GABBR2: variants seen among roughly 807,000 people sequenced by gnomAD.
The protein encoded by GABBR2 is G-protein coupled receptor 51.
Under a neutral mutation model 105.6 loss-of-function variants are expected in GABBR2, and 23 were observed. The ratio of observed to expected loss-of-function variants is 0.22; its 90% CI spans 0.16 to 0.31. The LOEUF (loss-of-function observed/expected upper bound fraction) is 0.31. GABBR2 is among the 10% of genes least tolerant of loss of function. The pLI is 1.00. For synonymous variants in GABBR2, 478 were observed against 499.7 expected (o/e 0.96, Z 0.58); for missense variants, 734 against 1,245.5 (o/e 0.59, Z 6.18).
chr9:98,508,465 C>T (rs1331280950), intron 3 of GABBR2, among the ~76,000 whole-genome samples: 1 of 152,246 alleles, frequency 6.6e-6, no homozygotes, highest in Non-Finnish European at 1.5e-5. Flanking sequence ...CAGGGCAAGG[C>T]ATCGCCTCAC....
At chr9:98,476,155 A>G (rs1443907300) in intron 5 of GABBR2, among the ~76,000 whole-genome samples, 1 of 152,238 alleles carries the variant, frequency 6.6e-6, no homozygotes, top group African/African-American at 2.4e-5. Context: ...CACACATGTG[A>G]TAATTAAGAC....
At chr9:98,542,394 C>G (rs1190524989) in intron 2 of GABBR2, among the ~76,000 whole-genome samples, 1 of 152,062 alleles carries the variant, frequency 6.6e-6, no homozygotes, top group East Asian at 1.9e-4. Flanking sequence ...ACTGTTTTTC[C>G]CCATTTAACG....
In GABBR2 at chr9:98,423,330, T is replaced by A. The variant is rs1191562603; in HGVS notation, c.1237-17189A>T. The stretch of plus-strand genomic sequence containing the variant: ...ACTGGTGTGAGATGGTATCTCATTG[T>A]GGTTTTGATTTGCATTTCTCTGATG... On this transcript the variant is annotated intron_variant, in intron 7 of 18. Coordinates refer to ENST00000259455, the MANE Select transcript of GABBR2 (RefSeq NM_005458.8). Among the ~76,000 whole-genome samples, 9 of 152,260 alleles carry A rather than the reference T, an allele frequency of 5.9e-5. No homozygotes were observed. In the East Asian group the frequency reaches 1.2e-3, roughly 20 times the overall value.
intron 3 of GABBR2, among the ~76,000 whole-genome samples, chr9:98,505,958 C>T (rs1827502720): frequency 6.6e-6 from 1 of 152,176 alleles, no homozygotes; most frequent in Non-Finnish European, 1.5e-5. Context: ...GGGGCAGGTT[C>T]CCATGGAGAA....
chr9:98,298,573 C>T (rs1830418561), intron 17 of GABBR2, among the ~76,000 whole-genome samples: 2 of 152,118 alleles, frequency 1.3e-5, no homozygotes, highest in South Asian at 4.1e-4. Context: ...ACTCTGGTAA[C>T]CTTTAAAATT....
Position 98,454,227 on chromosome 9 carries a change from CAG to C in GABBR2, c.1000-12_1000-11del, listed in dbSNP as rs754422703. 2.1e-5 allele frequency: 33 copies of C among 1,588,266 alleles called. No homozygotes were observed. Among genetic ancestry groups the C allele is most frequent in the South Asian group, 1.2e-4 (11 of 90,556 alleles). On this transcript the variant is annotated splice_polypyrimidine_tract_variant and intron_variant, in intron 6 of 18. Coordinates refer to ENST00000259455, the MANE Select transcript of GABBR2 (RefSeq NM_005458.8). The surrounding 1 kb of genome is among the most constrained non-coding windows in gnomAD (Gnocchi z 4.6). ...CATACTGCTGTGGAGTCTGGAAAAA[CAG>C]GGGATTGGGGGAATCCCAAGTTATA...
chr9:98,374,789 G>A (rs901301178), intron 11 of GABBR2, among the ~76,000 whole-genome samples: 4 of 152,110 alleles, frequency 2.6e-5, no homozygotes, highest in East Asian at 3.8e-4. Flanking sequence ...GCCTCCCCAC[G>A]TGCCTTTTCC....
At position 98,577,530 on chromosome 9, in the gene GABBR2, C is replaced by T. The variant is rs13286375; in HGVS notation, c.459+405G>A. On this transcript the variant is annotated intron_variant, in intron 2 of 18. Coordinates refer to ENST00000259455, the MANE Select transcript of GABBR2 (RefSeq NM_005458.8). ...ATGAGGAGTCATCTGGTTAAGGGAA[C>T]GGTGAGAGCAGGGCTCTGAGGCCCA... 3.3e-5 allele frequency among the ~76,000 whole-genome samples: 5 copies of T among 152,148 alleles called. No individual in the cohort carries two copies. The East Asian group carries it at 5.8e-4, about 18-fold the overall frequency.
intron 1 of GABBR2, among the ~76,000 whole-genome samples, 191 bp downstream of exon 1, chr9:98,708,226 A>G (rs576975061): frequency 5.3e-5 from 8 of 152,030 alleles, no homozygotes; most frequent in Non-Finnish European, 1.2e-4. Flanking sequence ...GTGCTTGGCA[A>G]ATGTTACCAG....
intron 4 of GABBR2, among the ~76,000 whole-genome samples, chr9:98,492,501 A>G (rs1827199089): frequency 6.6e-6 from 1 of 152,030 alleles, no homozygotes; most frequent in Non-Finnish European, 1.5e-5. Context: ...CAATGAATAA[A>G]TATTGATGTT....
rs541443403 is a variant in GABBR2, at chr9:98,454,642, C to T, written c.1000-425G>A. On this transcript the variant is annotated intron_variant, in intron 6 of 18. Coordinates refer to ENST00000259455, the MANE Select transcript of GABBR2 (RefSeq NM_005458.8). The surrounding 1 kb of genome is among the most constrained non-coding windows in gnomAD (Gnocchi z 4.6). ...ACTGTTCAAAAATATTCTCTATCTC[C>T]TCATCGTAATAAATACACCTTCCTA... Among the ~76,000 whole-genome samples, 1 of 152,266 alleles carries T rather than the reference C, an allele frequency of 6.6e-6. No homozygotes were observed. The highest frequency in any genetic ancestry group is 2.1e-4 in the South Asian group (1 of 4,816).
chr9:98,342,093 T>C (rs1271576025), intron 13 of GABBR2, among the ~76,000 whole-genome samples: 1 of 152,146 alleles, frequency 6.6e-6, no homozygotes, highest in Non-Finnish European at 1.5e-5. Context: ...AATGATCAGT[T>C]CTGTGACCAG....
chr9:98,690,103 T>C (rs1344636844), intron 1 of GABBR2, among the ~76,000 whole-genome samples: 2 of 152,208 alleles, frequency 1.3e-5, no homozygotes, highest in Non-Finnish European at 2.9e-5. Flanking sequence ...CAGACACCTA[T>C]CACAGCAGGG....
chr9:98,290,282 T>TTG lies in GABBR2; in HGVS notation c.*301_*302insCA, dbSNP rs1234440665. 8 of 181,124 alleles carry TTG rather than the reference T, an allele frequency of 4.4e-5. No individual in the cohort carries two copies. The highest frequency in any genetic ancestry group is 6.7e-5 in the Non-Finnish European group (6 of 90,084). The allele number at this position is 181,124 out of a possible 1,614,324, so 11.2% of individuals were successfully genotyped here. On this transcript the variant is annotated 3_prime_UTR_variant, in exon 19 of 19. Transcript: ENST00000259455. ...TCTAGTTTTTTTGTTTTTTTTTTTTTTTTTTTTTTTTTGCAAGTTTGATAT... is the reference window on the plus strand; with the variant it reads ...TCTAGTTTTTTTGTTTTTTTTTTTTTTGTTTTTTTTTTTTGCAAGTTTGATAT...
intron 13 of GABBR2, among the ~76,000 whole-genome samples, chr9:98,355,271 T>C (rs182282207): frequency 2.8e-4 from 43 of 152,162 alleles, no homozygotes; most frequent in Admixed American, 5.2e-4. Context: ...TGAAATGTTA[T>C]GAAAATTATC....
intron 14 of GABBR2, among the ~76,000 whole-genome samples, chr9:98,309,811 TG>T (rs1830608762): frequency 6.6e-6 from 1 of 152,204 alleles, no homozygotes; most frequent in African/African-American, 2.4e-5. Flanking sequence ...AAGACTTCTA[TG>T]GAAAACCATA....
intron 3 of GABBR2, among the ~76,000 whole-genome samples, chr9:98,504,738 G>C (rs1564095750): frequency 6.6e-6 from 1 of 152,154 alleles, no homozygotes; most frequent in African/African-American, 2.4e-5. Flanking sequence ...TGATTAAACA[G>C]TTCATTCAAG....
At chr9:98,470,593 T>C (rs1342892664) in intron 6 of GABBR2, among the ~76,000 whole-genome samples, 1 of 152,140 alleles carries the variant, frequency 6.6e-6, no homozygotes, top group African/African-American at 2.4e-5. Context: ...AGCTAAACCC[T>C]ATCAGTAATC....
chr9:98,482,977 C>T (rs1412141329), intron 4 of GABBR2, among the ~76,000 whole-genome samples: 2 of 152,070 alleles, frequency 1.3e-5, no homozygotes, highest in African/African-American at 2.4e-5. Context: ...TTCATGACCC[C>T]AGCCACAACT....
Sources: allele counts gnomAD v4.1 joint callset (sites outside exome capture counted in the v4.1 genomes callset), GRCh38; gene constraint gnomAD v4.1.1; non-coding constraint Gnocchi (gnomAD v3.1); transcripts MANE v1.5; gene names NCBI Gene and HGNC (gene_info 2026-07-23, HGNC 2026-07-21).